Variants in MTCL2 observed in about 807,000 individuals in gnomAD.
MTCL2 encodes the protein microtubule crosslinking factor 2.
the MTCL2 span, chr20:36,797,579 C>T: frequency 3.9e-6 from 6 of 1,555,648 alleles, no homozygotes; most frequent in Non-Finnish European, 5.2e-6. Flanking sequence ...TGCAGCTGGG[C>T]AAGGGCAGAG....
At chr20:36,860,348 G>A in the MTCL2 span, among the ~76,000 whole-genome samples, 2 of 152,156 alleles carry the variant, frequency 1.3e-5, no homozygotes, top group Non-Finnish European at 2.9e-5. Context: ...ATTATGATCT[G>A]TGTTGTGATT....
the MTCL2 span, chr20:36,804,692 G>C: frequency 6.2e-7 from 1 of 1,600,696 alleles, no homozygotes; most frequent in African/African-American, 1.3e-5. Context: ...TAAAGGCTTG[G>C]CTGAGAGTAA....
the MTCL2 span, among the ~76,000 whole-genome samples, chr20:36,849,658 G>A: frequency 2.0e-5 from 3 of 151,992 alleles, no homozygotes; most frequent in African/African-American, 7.3e-5. Context: ...AGCCTGGGCT[G>A]GTAAATCACA....
the MTCL2 span, among the ~76,000 whole-genome samples, chr20:36,845,213 G>A: frequency 6.6e-6 from 1 of 152,210 alleles, no homozygotes; most frequent in Non-Finnish European, 1.5e-5. Flanking sequence ...AGCCCCCCAA[G>A]GGATTCTGAT....
At chr20:36,829,003 C>A in the MTCL2 span, 1 of 1,475,496 alleles carries the variant, frequency 6.8e-7, no homozygotes, top group Non-Finnish European at 9.0e-7. Context: ...GGGGGGCTTG[C>A]ATGTGCCCAC....
the MTCL2 span, among the ~76,000 whole-genome samples, chr20:36,795,980 G>T: frequency 6.6e-6 from 1 of 152,044 alleles, no homozygotes; most frequent in Non-Finnish European, 1.5e-5. Context: ...CCGACAGCCT[G>T]AACTCCAGTT....
At chr20:36,787,567 C>G in the MTCL2 span, among the ~76,000 whole-genome samples, 1 of 151,942 alleles carries the variant, frequency 6.6e-6, no homozygotes, top group South Asian at 2.1e-4. Flanking sequence ...TAATTTTTTA[C>G]TATTACCAAT....
the MTCL2 span, chr20:36,816,050 G>C: frequency 1.9e-6 from 3 of 1,613,536 alleles, no homozygotes; most frequent in Non-Finnish European, 2.5e-6. Context: ...CCAGCTCCAC[G>C]ATGCGGCGGC....
chr20:36,786,242 T>G, the MTCL2 span: 1 of 1,171,844 alleles, frequency 8.5e-7, no homozygotes, highest in Non-Finnish European at 1.1e-6. Flanking sequence ...GAAGCCCAGG[T>G]TTGGTCTCTC....
At chr20:36,810,097 A>G in the MTCL2 span, 3 of 1,596,810 alleles carry the variant, frequency 1.9e-6, no homozygotes, top group Non-Finnish European at 1.7e-6. Flanking sequence ...CACCAGCTGC[A>G]GCTCCTTGAT....
the MTCL2 span, among the ~76,000 whole-genome samples, chr20:36,849,164 C>T: frequency 2.0e-4 from 28 of 143,264 alleles, no homozygotes; most frequent in Non-Finnish European, 3.6e-4. Flanking sequence ...GGGGTTCAAA[C>T]GATTCTCCCA....
At chr20:36,816,387 C>T in the MTCL2 span, 17 of 1,264,024 alleles carry the variant, frequency 1.3e-5, no homozygotes, top group East Asian at 4.0e-4. Flanking sequence ...TTGGGGAGCA[C>T]TATGTGCTGG....
the MTCL2 span, among the ~76,000 whole-genome samples, chr20:36,838,450 C>T: frequency 6.6e-6 from 1 of 151,914 alleles, no homozygotes; most frequent in South Asian, 2.1e-4. Flanking sequence ...GAAAAATTAG[C>T]CAGGTGTGGT....
At chr20:36,852,447 T>G in the MTCL2 span, among the ~76,000 whole-genome samples, 2 of 152,220 alleles carry the variant, frequency 1.3e-5, no homozygotes, top group African/African-American at 2.4e-5. Flanking sequence ...CCCAGGAGTC[T>G]GTCAAGGCTC....
chr20:36,812,616 C>G, the MTCL2 span: 1 of 1,528,600 alleles, frequency 6.5e-7, no homozygotes, highest in Non-Finnish European at 8.9e-7. Flanking sequence ...TCCTCACCAG[C>G]TAAGTGATAT....
chr20:36,798,241 T>G, the MTCL2 span, among the ~76,000 whole-genome samples: 1 of 152,262 alleles, frequency 6.6e-6, no homozygotes, highest in South Asian at 2.1e-4. Flanking sequence ...TGGCTAATTT[T>G]TGTGTTTTTA....
the MTCL2 span, among the ~76,000 whole-genome samples, chr20:36,820,290 C>T: frequency 6.6e-6 from 1 of 152,156 alleles, no homozygotes; most frequent in African/African-American, 2.4e-5. Flanking sequence ...AGTGAAGTGA[C>T]AGAGAGGAGA....
At chr20:36,786,502 G>T in the MTCL2 span, 120,258 of 1,546,070 alleles carry the variant, frequency 0.078, 5,174 homozygotes, top group Admixed American at 0.13. Flanking sequence ...CTGGGGGGGA[G>T]TGCCCTCTCC....
chr20:36,814,968 G>A, the MTCL2 span, among the ~76,000 whole-genome samples: 2 of 152,272 alleles, frequency 1.3e-5, 1 homozygote, highest in South Asian at 4.1e-4. Flanking sequence ...GAGTGAGGGG[G>A]GGAGAATGGC....
Sources: gnomAD v4.1 joint callset for allele counts (sites outside exome capture counted in the v4.1 genomes callset) on GRCh38, gnomAD v4.1.1 for gene constraint, MANE v1.5 for transcripts, NCBI Gene and HGNC (gene_info 2026-07-23, HGNC 2026-07-21) for gene names.